Variants in FOXP1 observed in about 807,000 individuals in gnomAD.
FOXP1 encodes forkhead box P1.
Under a neutral mutation model 98.2 loss-of-function variants are expected in FOXP1, and 15 were observed. The ratio of observed to expected loss-of-function variants is 0.15; its 90% CI spans 0.10 to 0.24. FOXP1 has a LOEUF of 0.24. FOXP1 is among the 10% of genes least tolerant of loss of function. The probability of loss-of-function intolerance (pLI) is 1.00; values close to 1 mark genes in which losing one functional copy is unlikely to be tolerated. For synonymous variants in FOXP1, 371 were observed against 314.5 expected (o/e 1.18, Z -1.90); for missense variants, 633 against 848.5 (o/e 0.75, Z 3.15).
intron 6 of FOXP1, among the ~76,000 whole-genome samples, chr3:71,195,106 C>T (rs528803114): frequency 1.3e-5 from 2 of 152,228 alleles, no homozygotes; most frequent in South Asian, 4.2e-4. Context: ...GACTATCAGC[C>T]CAAGGTTACC....
At chr3:71,214,137 T>G (rs532566463) in intron 5 of FOXP1, among the ~76,000 whole-genome samples, 5 of 152,346 alleles carry the variant, frequency 3.3e-5, no homozygotes, top group African/African-American at 1.2e-4. Flanking sequence ...GAGAGGCAAG[T>G]CCAGCTCTGG....
intron 2 of FOXP1, among the ~76,000 whole-genome samples, chr3:71,508,953 G>A (rs951640307): frequency 2.0e-5 from 3 of 152,168 alleles, no homozygotes; most frequent in African/African-American, 7.2e-5. Context: ...AGGGGAAAAT[G>A]TATGTGAGAC....
At chr3:71,142,655 A>G (rs533448858) in intron 6 of FOXP1, among the ~76,000 whole-genome samples, 20 of 152,332 alleles carry the variant, frequency 1.3e-4, no homozygotes, top group African/African-American at 4.8e-4. Flanking sequence ...AATGGATTCT[A>G]CCAACATCCT....
At chr3:71,531,264 A>G (rs2043823701) in intron 2 of FOXP1, among the ~76,000 whole-genome samples, 1 of 152,216 alleles carries the variant, frequency 6.6e-6, no homozygotes, top group Non-Finnish European at 1.5e-5. Context: ...GGATTTACAA[A>G]GGTAACGCTG....
At chr3:71,551,369 C>A (rs1430011688) in intron 2 of FOXP1, among the ~76,000 whole-genome samples, 1 of 152,172 alleles carries the variant, frequency 6.6e-6, no homozygotes, top group Non-Finnish European at 1.5e-5. Context: ...CCAAAATACT[C>A]CAGGGATTAC....
At chr3:71,501,929 G>A (rs1164474873) in intron 2 of FOXP1, among the ~76,000 whole-genome samples, 2 of 152,150 alleles carry the variant, frequency 1.3e-5, no homozygotes, top group East Asian at 3.9e-4. Context: ...CGCAGAGTGA[G>A]ATCAGCAAGG....
At chr3:71,287,459 C>A (rs149738220) in intron 5 of FOXP1, among the ~76,000 whole-genome samples, 1 of 151,974 alleles carries the variant, frequency 6.6e-6, no homozygotes, top group African/African-American at 2.4e-5. Context: ...GGCGAAAGAG[C>A]GAGACCCTGT....
intron 6 of FOXP1, among the ~76,000 whole-genome samples, chr3:71,122,481 C>T (rs1000776095): frequency 1.3e-5 from 2 of 152,082 alleles, no homozygotes; most frequent in Admixed American, 6.5e-5. Context: ...CAAGTTATTT[C>T]GAATAGCTAA....
chr3:71,004,554 T>C (rs547222260), intron 12 of FOXP1, among the ~76,000 whole-genome samples: 20 of 152,318 alleles, frequency 1.3e-4, no homozygotes, highest in African/African-American at 4.3e-4. Flanking sequence ...GCTATGTCTT[T>C]AACCAGGGTT....
chr3:71,512,271 C>A (rs1560587705), intron 2 of FOXP1, among the ~76,000 whole-genome samples: 1 of 152,116 alleles, frequency 6.6e-6, no homozygotes, highest in African/African-American at 2.4e-5. Flanking sequence ...TACCTGGCCC[C>A]TAAATGACCT....
intron 12 of FOXP1, among the ~76,000 whole-genome samples, chr3:71,005,448 T>C (rs915077924): frequency 2.0e-5 from 3 of 152,028 alleles, no homozygotes; most frequent in Non-Finnish European, 4.4e-5. Context: ...ATAATTTTCT[T>C]ATCTGTAATA....
intron 3 of FOXP1, among the ~76,000 whole-genome samples, chr3:71,461,084 G>A (rs2088048326): frequency 6.6e-6 from 1 of 152,168 alleles, no homozygotes; most frequent in Admixed American, 6.5e-5. Context: ...AGAGAGGTTT[G>A]AGTTTTATCT....
intron 5 of FOXP1, among the ~76,000 whole-genome samples, chr3:71,203,734 G>A (rs1283337796): frequency 1.3e-5 from 2 of 152,122 alleles, no homozygotes; most frequent in Admixed American, 6.5e-5. Context: ...ACTAAACATA[G>A]TTTTGTAAAA....
chr3:71,095,617 A>C (rs1021687387), intron 7 of FOXP1, among the ~76,000 whole-genome samples: 1 of 152,150 alleles, frequency 6.6e-6, no homozygotes, highest in African/African-American at 2.4e-5. Flanking sequence ...CACAGAGTCT[A>C]CATTTTAAAT....
intron 3 of FOXP1, among the ~76,000 whole-genome samples, chr3:71,432,007 T>C (rs1435594037): frequency 6.6e-6 from 1 of 152,226 alleles, no homozygotes; most frequent in African/African-American, 2.4e-5. Context: ...AGAGAACCTA[T>C]GACCAAGCTG....
At chr3:71,046,471 C>T (rs1032945117) in intron 10 of FOXP1, among the ~76,000 whole-genome samples, 2 of 152,148 alleles carry the variant, frequency 1.3e-5, no homozygotes, top group African/African-American at 4.8e-5. Flanking sequence ...TGGTTGATTT[C>T]TATCGTTTAC....
rs554981318 is a variant in FOXP1, at chr3:71,075,190, T to G, written c.283-21417A>C. Among the ~76,000 whole-genome samples the G allele has an allele frequency of 2.6e-5, 4 of 152,334 alleles. No individual in the cohort carries two copies. In the East Asian group the frequency reaches 5.8e-4, roughly 22 times the overall value. On this transcript the variant is annotated intron_variant, in intron 7 of 20. Coordinates refer to ENST00000649528, the MANE Select transcript of FOXP1 (RefSeq NM_001349338.3). Reference sequence around the variant, plus strand: ...TCCTGGTGGTACTATTCTCTGGCTGTACATTTAGTAAATTGCTAGTTTCTA... The same window carrying G: ...TCCTGGTGGTACTATTCTCTGGCTGGACATTTAGTAAATTGCTAGTTTCTA...
chr3:71,221,647 C>T (rs1235069025), intron 5 of FOXP1, among the ~76,000 whole-genome samples: 1 of 152,176 alleles, frequency 6.6e-6, no homozygotes, highest in Non-Finnish European at 1.5e-5. Context: ...GCATTTTAGT[C>T]TATATATAAA....
At chr3:71,378,097 CA>C (rs11333445) in intron 3 of FOXP1, among the ~76,000 whole-genome samples, 81,800 of 115,510 alleles carry the variant, frequency 0.71, 24,958 homozygotes, top group East Asian at 0.97. Context: ...GGCCAAGAAA[CA>C]AAAAAAAAAA....
Sources: allele counts gnomAD v4.1 joint callset (sites outside exome capture counted in the v4.1 genomes callset), GRCh38; gene constraint gnomAD v4.1.1; transcripts MANE v1.5; gene names NCBI Gene and HGNC (gene_info 2026-07-23, HGNC 2026-07-21).